The following NASP variants were observed in gnomAD, a reference collection of about 807,000 sequenced individuals.
NASP encodes the protein NASP histone chaperone.
A neutral mutation model predicts 89.5 loss-of-function variants in NASP; 24 were observed. The observed-to-expected ratio is 0.27, with a 90% CI of 0.19 to 0.38. The LOEUF (loss-of-function observed/expected upper bound fraction) is 0.38. Ranked by LOEUF, NASP falls within the 10% of genes least tolerant of loss-of-function variation. The pLI is 1.00. For synonymous variants in NASP, 306 were observed against 324.7 expected, an observed-to-expected ratio of 0.94 and a Z score of 0.62; for missense variants, 848 against 921.4, an observed-to-expected ratio of 0.92 and a Z score of 1.03.
At chr1:45,601,745 ATTTTTTTTTTTTTT>A (rs71056316) in intron 2 of NASP, among the ~76,000 whole-genome samples, 2 of 68,930 alleles carry the variant, frequency 2.9e-5, no homozygotes, top group African/African-American at 1.2e-4. Context: ...CGTTAAGAGA[ATTTTTTTTTTTTTT>A]TTTTTTTTTT....
chr1:45,609,033 T>C (rs1643957794), intron 6 of NASP, among the ~76,000 whole-genome samples: 1 of 152,198 alleles, frequency 6.6e-6, no homozygotes, highest in Non-Finnish European at 1.5e-5. Context: ...TCATGCTTGC[T>C]TCGGCTGCTA....
rs766365204 is a variant in NASP, at chr1:45,607,787, A to C, written c.876A>C (p.Ala292=). The change falls in exon 6 of 15, where the codon GCA becomes GCC. Residue 292 remains alanine (A), a synonymous_variant. Coordinates refer to ENST00000350030, the MANE Select transcript of NASP (RefSeq NM_002482.4). ...TGACTCTAGAAAAGCAGGGCACTGC[A>C]GTGGAGGTAGAAGCAGAGTCTTTAG... The part of the protein sequence containing the change: ...PVVTLEKQGT[A]VEVEAESLDP... 1 of 1,614,198 alleles carries C rather than the reference A, an allele frequency of 6.2e-7. No homozygotes were observed. The highest frequency in any genetic ancestry group is 2.2e-5 in the East Asian group (1 of 44,886).
intron 4 of NASP, 96 bp from the exon 5 acceptor site, chr1:45,606,386 T>C: frequency 3.7e-6 from 3 of 800,686 alleles, no homozygotes; most frequent in Non-Finnish European, 6.3e-6. Flanking sequence ...TGGCTTACAC[T>C]TCTTGCTTTT....
At chr1:45,609,050 ATT>A (rs1465714443) in intron 6 of NASP, among the ~76,000 whole-genome samples, 1 of 152,064 alleles carries the variant, frequency 6.6e-6, no homozygotes, top group African/African-American at 2.4e-5. Context: ...GCTAAACTGA[ATT>A]TTTGTTACTT....
intron 2 of NASP, among the ~76,000 whole-genome samples, chr1:45,592,240 C>T (rs1422549148): frequency 6.6e-6 from 1 of 152,226 alleles, no homozygotes; most frequent in African/African-American, 2.4e-5. Context: ...CCGCCTTGGC[C>T]TCCCAAAGTG....
At chr1:45,617,687 C>T (rs1644131040) in intron 14 of NASP, 96 bp downstream of exon 14, 7 of 1,384,054 alleles carry the variant, frequency 5.1e-6, no homozygotes. Context: ...CCACCTTGAG[C>T]CTGCTAACGA....
chr1:45,617,406 G>T, intron 13 of NASP, 57 bp from the exon 14 acceptor site: 13 of 1,568,450 alleles, frequency 8.3e-6, no homozygotes, highest in Admixed American at 3.7e-5. Context: ...ATGTTTTGCA[G>T]TTGTCTTTTT....
intron 1 of NASP, among the ~76,000 whole-genome samples, chr1:45,584,794 C>T (rs1348976842): frequency 2.0e-5 from 3 of 152,210 alleles, no homozygotes; most frequent in Non-Finnish European, 4.4e-5. Context: ...TTGTTTGGGG[C>T]CGCTGCGGCT....
At chr1:45,597,298 CTTTTTTTTTTTT>C (rs71056314) in intron 2 of NASP, among the ~76,000 whole-genome samples, 10 of 99,868 alleles carry the variant, frequency 1.0e-4, no homozygotes, top group East Asian at 3.7e-4. Context: ...CAGAGCAAGA[CTTTTTTTTTTTT>C]TTTTTTTTTT....
intron 3 of NASP, among the ~76,000 whole-genome samples, chr1:45,602,648 C>T (rs186179196): frequency 6.8e-4 from 103 of 152,218 alleles, no homozygotes; most frequent in African/African-American, 2.3e-3. Flanking sequence ...CATCTCTCCA[C>T]CCCCGCTTTT....
At chr1:45,591,332 T>G in intron 2 of NASP, 62 bp downstream of exon 2, 1 of 1,089,140 alleles carries the variant, frequency 9.2e-7, no homozygotes, top group Non-Finnish European at 1.3e-6. Context: ...GCAATATAAC[T>G]TTAAAGTTAT....
intron 13 of NASP, chr1:45,617,183 C>A: frequency 2.8e-6 from 1 of 358,232 alleles, no homozygotes; most frequent in South Asian, 3.1e-5. Flanking sequence ...GACTCAAACA[C>A]AGGAATTCAA....
intron 1 of NASP, among the ~76,000 whole-genome samples, chr1:45,587,130 A>G (rs1644563405): frequency 6.6e-6 from 1 of 152,084 alleles, no homozygotes; most frequent in Non-Finnish European, 1.5e-5. Context: ...GGTGATGTAT[A>G]TCTACATGCT....
chr1:45,587,197 T>C (rs1171619545), intron 1 of NASP, among the ~76,000 whole-genome samples: 1 of 151,970 alleles, frequency 6.6e-6, no homozygotes, highest in Non-Finnish European at 1.5e-5. Context: ...TTTTTTTTGT[T>C]GTTTTTTTTT....
At chr1:45,616,270 C>G in intron 11 of NASP, 67 bp from the exon 12 acceptor site, 1 of 1,407,456 alleles carries the variant, frequency 7.1e-7, no homozygotes, top group East Asian at 2.3e-5. Flanking sequence ...TGATGGGTTC[C>G]TGTTACAAGG....
Position 45,617,458 on chromosome 1 carries a change from T to C in NASP, c.2158-5T>C. 1 of 1,611,910 alleles carries C rather than the reference T, an allele frequency of 6.2e-7. No homozygotes were observed. The highest frequency in any genetic ancestry group is 8.5e-7 in the Non-Finnish European group (1 of 1,179,476). ...TTTGTGAAGCCTTCACAATTATATC[T>C]TTAGAGGAAACCAGAGGAAGAGAGT... On this transcript the variant is annotated splice_region_variant and splice_polypyrimidine_tract_variant and intron_variant, in intron 13 of 14. Coordinates refer to ENST00000350030, the MANE Select transcript of NASP (RefSeq NM_002482.4).
At position 45,618,109 on chromosome 1, in the gene NASP, G is replaced by C. The variant is rs775144598; in HGVS notation, c.2335G>C (p.Ala779Pro). The C allele has an allele frequency of 4.4e-6, 7 of 1,601,744 alleles. No homozygotes were observed. The highest frequency in any genetic ancestry group is 6.0e-6 in the Non-Finnish European group (7 of 1,173,970). The part of the protein sequence containing the change: ...SRAAVEGTVE[A>P]GATVESTAC The stretch of plus-strand genomic sequence containing the variant: ...GGCAGCAGTGGAGGGGACAGTGGAG[G>C]CTGGAGCTACAGTTGAAAGCACTGC... Residue 779 changes from alanine (A) to proline (P), a missense_variant, in exon 15 of 15, where the codon GCT becomes CCT. By Grantham distance (27) the Ala-to-Pro change is conservative (BLOSUM62 -1). Around this residue, in one of 5 missense-constraint regions of NASP, gnomAD observed 218 missense variants for 219.6 expected, o/e 0.99. Transcript: ENST00000350030.
Position 45,584,072 on chromosome 1 carries a change from G to C in NASP, c.-75G>C. 1 of 1,402,990 alleles carries C rather than the reference G, an allele frequency of 7.1e-7. No individual in the cohort carries two copies. Among genetic ancestry groups the C allele is most frequent in the Non-Finnish European group, 9.8e-7 (1 of 1,015,286 alleles). The allele number at this position is 1,402,990 out of a possible 1,614,324, so 86.9% of individuals were successfully genotyped here. A position where few individuals can be genotyped will look rare whatever the true frequency, so the allele number is the denominator to read the frequency against. ...TCTGCCATTTTCTGTCCCTGAGTGA[G>C]TCTCTGGCGTCCCAAATTGCCTGTT... On this transcript the variant is annotated 5_prime_UTR_variant, in exon 1 of 15. Coordinates refer to ENST00000350030, the MANE Select transcript of NASP (RefSeq NM_002482.4).
At chr1:45,611,484 T>TTG (rs1644008722) in intron 6 of NASP, 2 of 82,140 alleles carry the variant, frequency 2.4e-5, no homozygotes, top group Non-Finnish European at 4.8e-5. Context: ...TTTTTTTTTT[T>TTG]GAGACAGAGT....
Sources: allele counts gnomAD v4.1 joint callset (sites outside exome capture counted in the v4.1 genomes callset), GRCh38; gene constraint gnomAD v4.1.1; regional missense constraint gnomAD v4.1.1; transcripts MANE v1.5; gene names NCBI Gene and HGNC (gene_info 2026-07-23, HGNC 2026-07-21).